Variants in LRRC4C observed in about 807,000 individuals in gnomAD.
LRRC4C encodes leucine rich repeat containing 4C.
Under a neutral mutation model 33.6 loss-of-function variants are expected in LRRC4C, and 5 were observed. That is an observed-to-expected ratio of 0.15 (90% CI 0.08 to 0.31). The LOEUF is 0.31. Ranked by LOEUF, LRRC4C falls within the 10% of genes least tolerant of loss-of-function variation. LRRC4C has a pLI of 1.00. For missense variants in LRRC4C, 560 were observed against 796.7 expected (o/e 0.70, Z 3.58); for synonymous variants, 329 against 302.0 (o/e 1.09, Z -0.93).
chr11:40,241,630 G>T (rs1353030600), intron 4 of LRRC4C, 32 bp from the exon 5 acceptor site: 1 of 152,064 alleles, frequency 6.6e-6, no homozygotes, highest in Admixed American at 6.6e-5. Context: ...ACTAGATGAT[G>T]TAAGAGTCCC....
chr11:41,057,789 T>C (rs937209662), intron 1 of LRRC4C, among the ~76,000 whole-genome samples: 2 of 152,028 alleles, frequency 1.3e-5, no homozygotes, highest in Non-Finnish European at 2.9e-5. Context: ...GCTGCACAGA[T>C]AATGGGACAA....
At chr11:40,936,063 T>TAC (rs1296344925) in intron 1 of LRRC4C, among the ~76,000 whole-genome samples, 1 of 92,776 alleles carries the variant, frequency 1.1e-5, no homozygotes, top group Non-Finnish European at 2.3e-5. Flanking sequence ...TATATATATA[T>TAC]ATAACATAGT....
intron 2 of LRRC4C, among the ~76,000 whole-genome samples, chr11:40,670,913 G>A (rs1434620420): frequency 2.0e-5 from 3 of 152,056 alleles, no homozygotes; most frequent in Admixed American, 1.3e-4. Flanking sequence ...ATAGGTGCCC[G>A]CCACCACGCC....
intron 2 of LRRC4C, among the ~76,000 whole-genome samples, chr11:40,754,136 ATC>A (rs1279434873): frequency 6.6e-6 from 1 of 151,898 alleles, no homozygotes; most frequent in Admixed American, 6.6e-5. Flanking sequence ...TCATTTACAT[ATC>A]TCTTTTTAAT....
chr11:40,858,645 G>A (rs1953921512), intron 2 of LRRC4C, among the ~76,000 whole-genome samples: 1 of 129,582 alleles, frequency 7.7e-6, no homozygotes, highest in Admixed American at 8.8e-5. Flanking sequence ...AGTGAGCCAA[G>A]ATCGTGACAC....
At chr11:40,231,661 A>G (rs1865209277) in intron 5 of LRRC4C, among the ~76,000 whole-genome samples, 1 of 152,186 alleles carries the variant, frequency 6.6e-6, no homozygotes, top group Non-Finnish European at 1.5e-5. Context: ...AGAATTAGAC[A>G]TATAAACAGG....
chr11:40,938,290 C>T (rs564939422), intron 1 of LRRC4C, among the ~76,000 whole-genome samples: 3 of 152,022 alleles, frequency 2.0e-5, no homozygotes, highest in African/African-American at 7.2e-5. Flanking sequence ...GAGTGCACCG[C>T]AATGATTCTG....
chr11:40,358,864 AT>A lies in LRRC4C; in HGVS notation c.-269-39144del, dbSNP rs563473859. ...AAGGAAGCTATTCATTCATTCATTTATTTATTTATTTATTTAATTTTAACAA... is the reference window on the plus strand; with the variant it reads ...AAGGAAGCTATTCATTCATTCATTTATTATTTATTTATTTAATTTTAACAA... On this transcript the variant is annotated intron_variant, in intron 3 of 6. Transcript: ENST00000528697. 3.5e-3 allele frequency among the ~76,000 whole-genome samples: 533 copies of A among 151,944 alleles called. 9 individuals carry two copies. The highest frequency in any genetic ancestry group is 3.3e-3 in the Non-Finnish European group (227 of 67,914).
At chr11:40,781,814 C>T (rs1950222401) in intron 2 of LRRC4C, among the ~76,000 whole-genome samples, 2 of 152,110 alleles carry the variant, frequency 1.3e-5, no homozygotes, top group African/African-American at 2.4e-5. Flanking sequence ...TTAGTTCACA[C>T]CTAAAAGCAC....
chr11:41,446,690 G>A (rs980569207), intron 1 of LRRC4C, among the ~76,000 whole-genome samples: 32 of 152,128 alleles, frequency 2.1e-4, no homozygotes, highest in Non-Finnish European at 7.4e-5. Flanking sequence ...CACAAAGTCA[G>A]ATTCTAGGGG....
At chr11:40,724,446 A>G (rs1011774782) in intron 2 of LRRC4C, among the ~76,000 whole-genome samples, 3 of 152,200 alleles carry the variant, frequency 2.0e-5, no homozygotes, top group African/African-American at 7.2e-5. Context: ...AATAAATACC[A>G]AGAGGAACTC....
At chr11:41,028,309 C>G (rs1442095121) in intron 1 of LRRC4C, among the ~76,000 whole-genome samples, 1 of 151,380 alleles carries the variant, frequency 6.6e-6, no homozygotes, top group Non-Finnish European at 1.5e-5. Flanking sequence ...GAGATGGGGC[C>G]AAGGTCTTGA....
intron 3 of LRRC4C, among the ~76,000 whole-genome samples, chr11:40,535,465 C>G (rs1416574531): frequency 1.3e-5 from 2 of 152,118 alleles, no homozygotes; most frequent in East Asian, 3.8e-4. Context: ...AAAGTGATGG[C>G]AGTAGTAGGA....
chr11:40,429,909 A>G (rs931444384), intron 3 of LRRC4C, among the ~76,000 whole-genome samples: 2 of 152,208 alleles, frequency 1.3e-5, no homozygotes, highest in Middle Eastern at 3.2e-3. Context: ...TAAATATAAT[A>G]CATGAAATAT....
At chr11:40,359,853 A>G (rs1369171811) in intron 3 of LRRC4C, among the ~76,000 whole-genome samples, 1 of 152,188 alleles carries the variant, frequency 6.6e-6, no homozygotes, top group African/African-American at 2.4e-5. Context: ...ATTTTTGACT[A>G]GTAGCTTTGG....
chr11:41,344,695 T>C (rs781541678), intron 1 of LRRC4C, among the ~76,000 whole-genome samples: 62 of 152,254 alleles, frequency 4.1e-4, no homozygotes, highest in Non-Finnish European at 7.3e-5. Flanking sequence ...TTTTGTCTTC[T>C]CAGCTAGATT....
intron 3 of LRRC4C, among the ~76,000 whole-genome samples, chr11:40,624,318 T>A (rs1435645476): frequency 6.6e-6 from 1 of 152,134 alleles, no homozygotes; most frequent in Non-Finnish European, 1.5e-5. Context: ...TAAACTAGTC[T>A]TTAGCTCATT....
intron 3 of LRRC4C, among the ~76,000 whole-genome samples, chr11:40,430,263 G>T (rs139536582): frequency 6.1e-4 from 84 of 138,384 alleles, no homozygotes; most frequent in South Asian, 1.6e-3. Context: ...GTGCACGTAT[G>T]GGGGGGGTTG....
intron 1 of LRRC4C, among the ~76,000 whole-genome samples, chr11:40,995,086 C>A (rs928619331): frequency 6.6e-6 from 1 of 152,122 alleles, no homozygotes; most frequent in Non-Finnish European, 1.5e-5. Flanking sequence ...CTAGAAACAA[C>A]AACTTAATGT....
Sources: gnomAD v4.1 joint callset for allele counts (sites outside exome capture counted in the v4.1 genomes callset) on GRCh38, gnomAD v4.1.1 for gene constraint, MANE v1.5 for transcripts, NCBI Gene and HGNC (gene_info 2026-07-23, HGNC 2026-07-21) for gene names.